Variants in CENPW observed in about 807,000 individuals in gnomAD.
CENPW encodes cancer-up-regulated gene 2 protein.
A neutral mutation model predicts 11.1 loss-of-function variants in CENPW; 3 were observed. The observed-to-expected ratio is 0.27, with a 90% confidence interval of 0.12 to 0.70. CENPW has a LOEUF of 0.70. CENPW is among the 30% of genes least tolerant of loss of function. The pLI, the probability that CENPW is intolerant of heterozygous loss-of-function variation, is 0.77. For missense variants in CENPW, 100 were observed against 105.6 expected, an observed-to-expected ratio of 0.95 and a Z score of 0.23; for synonymous variants, 38 against 42.0, an observed-to-expected ratio of 0.91 and a Z score of 0.37.
the CENPW span, among the ~76,000 whole-genome samples, chr6:126,460,033 C>A: frequency 4.6e-5 from 7 of 151,048 alleles, no homozygotes; most frequent in Non-Finnish European, 8.9e-5. Flanking sequence ...AGCAAAGATG[C>A]AGGATTGCTG....
the CENPW span, among the ~76,000 whole-genome samples, chr6:126,410,333 A>G: frequency 6.6e-6 from 1 of 152,086 alleles, no homozygotes; most frequent in African/African-American, 2.4e-5. Flanking sequence ...TTCTCCTGGC[A>G]TATAAGGTGT....
chr6:126,404,851 T>C, the CENPW span, among the ~76,000 whole-genome samples: 6 of 125,718 alleles, frequency 4.8e-5, no homozygotes, highest in Non-Finnish European at 6.6e-5. Context: ...TTAAAGTATT[T>C]GGGTTTTTTT....
chr6:126,422,414 C>T, the CENPW span, among the ~76,000 whole-genome samples: 379 of 152,174 alleles, frequency 2.5e-3, 1 homozygote, highest in Non-Finnish European at 4.5e-3. Context: ...TTGATTTCTC[C>T]TGGGGCCTTT....
chr6:126,442,520 T>A, the CENPW span, among the ~76,000 whole-genome samples: 77 of 151,450 alleles, frequency 5.1e-4, no homozygotes, highest in African/African-American at 1.7e-3. Flanking sequence ...CTACCTCTAT[T>A]AATCAAATTT....
the CENPW span, among the ~76,000 whole-genome samples, chr6:126,476,697 A>G: frequency 6.6e-6 from 1 of 151,992 alleles, no homozygotes. Context: ...TCAGTATGAG[A>G]GAATATCAGT....
At chr6:126,438,828 C>T in the CENPW span, among the ~76,000 whole-genome samples, 2 of 151,624 alleles carry the variant, frequency 1.3e-5, no homozygotes, top group African/African-American at 2.4e-5. Context: ...AGTACTTGCA[C>T]ACTGATACAC....
chr6:126,405,758 A>C, the CENPW span, among the ~76,000 whole-genome samples: 2 of 152,090 alleles, frequency 1.3e-5, no homozygotes, highest in Non-Finnish European at 2.9e-5. Flanking sequence ...TTAGCTGTTT[A>C]AAATGGAATG....
At chr6:126,413,116 G>A in the CENPW span, among the ~76,000 whole-genome samples, 2 of 152,066 alleles carry the variant, frequency 1.3e-5, no homozygotes, top group African/African-American at 4.8e-5. Context: ...CATTCCAGAA[G>A]CTTTCTGGAA....
At chr6:126,397,778 T>C in the CENPW span, among the ~76,000 whole-genome samples, 7 of 152,266 alleles carry the variant, frequency 4.6e-5, no homozygotes, top group East Asian at 1.4e-3. Context: ...ACTTATCTCA[T>C]TACTTTCACT....
the CENPW span, among the ~76,000 whole-genome samples, chr6:126,434,125 G>T: frequency 6.6e-6 from 1 of 152,068 alleles, no homozygotes; most frequent in African/African-American, 2.4e-5. Context: ...TTGACTACAT[G>T]TTCCCATATG....
At chr6:126,399,828 T>A in the CENPW span, among the ~76,000 whole-genome samples, 1 of 152,102 alleles carries the variant, frequency 6.6e-6, no homozygotes, top group South Asian at 2.1e-4. Flanking sequence ...GTGCCCTTTC[T>A]AGTAAATATC....
At chr6:126,361,424 G>T in the CENPW span, among the ~76,000 whole-genome samples, 1 of 152,014 alleles carries the variant, frequency 6.6e-6, no homozygotes, top group Admixed American at 6.6e-5. Context: ...ACCTCCAGGG[G>T]AGCTGGGACT....
At chr6:126,368,974 T>C in the CENPW span, among the ~76,000 whole-genome samples, 1 of 152,140 alleles carries the variant, frequency 6.6e-6, no homozygotes. Context: ...TAGTCCATTG[T>C]ATTATTCTTA....
chr6:126,389,157 C>G, the CENPW span, among the ~76,000 whole-genome samples: 27 of 151,918 alleles, frequency 1.8e-4, no homozygotes, highest in African/African-American at 6.0e-4. Flanking sequence ...ACCTATCACT[C>G]TCTAACTGAT....
At chr6:126,457,236 A>G in the CENPW span, among the ~76,000 whole-genome samples, 5 of 151,524 alleles carry the variant, frequency 3.3e-5, no homozygotes, top group Non-Finnish European at 7.4e-5. Flanking sequence ...AATAGAAATC[A>G]TTCTCTTATA....
the CENPW span, among the ~76,000 whole-genome samples, chr6:126,416,857 G>GTCT: frequency 6.6e-6 from 1 of 152,214 alleles, no homozygotes; most frequent in Admixed American, 6.5e-5. Context: ...CTCTGCTAGG[G>GTCT]CAGTGCAGAA....
the CENPW span, among the ~76,000 whole-genome samples, chr6:126,448,192 T>G: frequency 6.6e-6 from 1 of 151,086 alleles, no homozygotes; most frequent in African/African-American, 2.4e-5. Flanking sequence ...ATTCTTGGGT[T>G]TGACTCAAGA....
the CENPW span, among the ~76,000 whole-genome samples, chr6:126,439,295 TAAAC>T: frequency 4.0e-5 from 6 of 151,692 alleles, no homozygotes; most frequent in Non-Finnish European, 8.9e-5. Flanking sequence ...GCCCATATGG[TAAAC>T]ACAAGCATGG....
At chr6:126,464,706 C>T in the CENPW span, among the ~76,000 whole-genome samples, 4 of 152,114 alleles carry the variant, frequency 2.6e-5, no homozygotes, top group Admixed American at 6.6e-5. Context: ...CCTACTTTTG[C>T]GATTTTGGGA....
Sources: allele counts gnomAD v4.1 joint callset (sites outside exome capture counted in the v4.1 genomes callset), GRCh38; gene constraint gnomAD v4.1.1; transcripts MANE v1.5; gene names NCBI Gene and HGNC (gene_info 2026-07-23, HGNC 2026-07-21).